Variants in MGST2 observed in about 807,000 individuals in gnomAD.
MGST2 encodes glutathione peroxidase MGST2.
MGST2 carries 9 observed loss-of-function variants against 16.6 expected under a neutral mutation model. The observed-to-expected ratio is 0.54, with a 90% CI of 0.33 to 0.95. MGST2 has a LOEUF of 0.95. Ranked by LOEUF, MGST2 falls within the 40% of genes least tolerant of loss-of-function variation. MGST2 has a pLI of 0.03. For synonymous variants in MGST2, 79 were observed against 68.0 expected (o/e 1.16, Z -0.79); for missense variants, 159 against 175.1 (o/e 0.91, Z 0.52).
downstream of MGST2, among the ~76,000 whole-genome samples, chr4:139,706,977 AAAGT>A (rs1301995963): frequency 1.3e-5 from 2 of 152,208 alleles, no homozygotes; most frequent in African/African-American, 4.8e-5. Context: ...ATTGCCTTAA[AAAGT>A]CAGTGTCAGG....
rs115394118 is a variant in MGST2 at position 139,720,300 on chromosome 4, C to T, written c.*48+16104C>T. On this transcript the variant is annotated intron_variant, in intron 5 of 5. Coordinates refer to the MGST2 transcript ENST00000616265. ...CTCTGGAGGGCTGCTTGGCTTCTTA[C>T]GGCTGCTATATCCTGGGGAGAACCT... The T allele has an allele frequency of 1.0e-3, 1,624 of 1,552,172 alleles. 9 individuals are homozygous for T. The African/African-American group carries it at 0.019, about 18-fold the overall frequency.
downstream of MGST2, among the ~76,000 whole-genome samples, chr4:139,707,997 T>G (rs1218201270): frequency 2.4e-3 from 363 of 152,258 alleles, no homozygotes; most frequent in African/African-American, 4.7e-3. Context: ...TTTCTCCCAT[T>G]CTGTAGGTTG....
intron 1 of MGST2, among the ~76,000 whole-genome samples, chr4:139,672,275 A>G (rs1251031501): frequency 1.3e-5 from 2 of 152,136 alleles, no homozygotes; most frequent in African/African-American, 2.4e-5. Context: ...CATACCTTTC[A>G]TTATTTCCAT....
At chr4:139,743,661 G>C (rs1158666559), downstream of MGST2, among the ~76,000 whole-genome samples, 1 of 152,110 alleles carries the variant, frequency 6.6e-6, no homozygotes, top group Non-Finnish European at 1.5e-5. Context: ...GATACCACAC[G>C]GGGAAAAGCC....
intron 2 of MGST2, among the ~76,000 whole-genome samples, chr4:139,680,340 T>G (rs1229483531): frequency 6.6e-6 from 1 of 152,228 alleles, no homozygotes; most frequent in Non-Finnish European, 1.5e-5. Flanking sequence ...AATTGCTCTT[T>G]ATTTCTTTGT....
At chr4:139,749,083 G>GA in the MGST2 span, among the ~76,000 whole-genome samples, 6 of 152,072 alleles carry the variant, frequency 3.9e-5, no homozygotes, top group Non-Finnish European at 8.8e-5. Flanking sequence ...AGCTCAAATG[G>GA]AAAAATATAT....
chr4:139,682,799 C>A (rs536625018), intron 2 of MGST2, among the ~76,000 whole-genome samples: 1 of 151,378 alleles, frequency 6.6e-6, no homozygotes, highest in Non-Finnish European at 1.5e-5. Flanking sequence ...TGTCACATGG[C>A]CAGGAAAGAT....
chr4:139,709,687 T>G (rs1242723201), intron 5 of MGST2, among the ~76,000 whole-genome samples: 1 of 152,240 alleles, frequency 6.6e-6, no homozygotes, highest in Non-Finnish European at 1.5e-5. Context: ...AATAAAGAGT[T>G]AAAGGATCTG....
intron 5 of MGST2, among the ~76,000 whole-genome samples, chr4:139,739,693 T>C (rs1220522403): frequency 1.4e-5 from 2 of 142,994 alleles, no homozygotes; most frequent in Non-Finnish European, 3.0e-5. Context: ...TTTTTTTTTT[T>C]TCTTTTATGT....
chr4:139,721,040 G>A (rs1728211639), intron 5 of MGST2, among the ~76,000 whole-genome samples: 1 of 152,206 alleles, frequency 6.6e-6, no homozygotes, highest in Non-Finnish European at 1.5e-5. Context: ...TTGCAAACTG[G>A]CCAGCTTCCT....
Position 139,701,812 on chromosome 4 carries a change from A to T in MGST2, c.230-1643A>T, listed in dbSNP as rs961876427. Among the ~76,000 whole-genome samples, 13 of 152,070 alleles carry T rather than the reference A, an allele frequency of 8.5e-5. No homozygotes were observed. In the East Asian group the frequency reaches 1.9e-3, roughly 23 times the overall value. ...GGCCTTTTCTCTGAAAAAAAAAATT[A>T]AAAAATTGGCCAGGCCTGGTGGCAT... On this transcript the variant is annotated intron_variant, in intron 3 of 4. Transcript: ENST00000265498.
the MGST2 span, among the ~76,000 whole-genome samples, chr4:139,750,733 C>T: frequency 6.6e-6 from 1 of 152,118 alleles, no homozygotes; most frequent in Non-Finnish European, 1.5e-5. Flanking sequence ...CTAAAAATGG[C>T]CTTCCTAAGG....
downstream of MGST2, among the ~76,000 whole-genome samples, chr4:139,745,160 C>T (rs1458537164): frequency 2.6e-5 from 4 of 152,108 alleles, no homozygotes; most frequent in Admixed American, 2.0e-4. Context: ...GAGCGGCCAC[C>T]TGCAAGGAGG....
intron 5 of MGST2, among the ~76,000 whole-genome samples, chr4:139,712,283 GT>G (rs1346454082): frequency 2.6e-5 from 4 of 152,196 alleles, no homozygotes; most frequent in Admixed American, 2.6e-4. Flanking sequence ...CTGAGCAGCA[GT>G]TAGAGATCAC....
At position 139,716,173 on chromosome 4, in the gene MGST2, T is replaced by G. The variant is rs535612992; in HGVS notation, c.*48+11977T>G. Among the ~76,000 whole-genome samples the G allele has an allele frequency of 7.0e-4, 104 of 148,924 alleles. 1 individual carries two copies. In the Middle Eastern group the frequency reaches 0.01, roughly 15 times the overall value. ...AGACAAGTCAACTGGGCTTTTATAC[T>G]CCTGCACCAGTGAGTCACTGGCTAA... On this transcript the variant is annotated intron_variant, in intron 5 of 5. Coordinates refer to the MGST2 transcript ENST00000616265.
At chr4:139,719,122 G>T (rs1033324797) in intron 5 of MGST2, 2 of 587,852 alleles carry the variant, frequency 3.4e-6, no homozygotes, top group Non-Finnish European at 5.7e-6. Context: ...GTCTCATCTC[G>T]ATTGCTGTGT....
chr4:139,703,011 C>T (rs1245271710), intron 3 of MGST2, among the ~76,000 whole-genome samples: 1 of 151,688 alleles, frequency 6.6e-6, no homozygotes, highest in Non-Finnish European at 1.5e-5. Flanking sequence ...CTGCAACCTC[C>T]ACCTCCTGGG....
At chr4:139,747,593 C>T in the MGST2 span, among the ~76,000 whole-genome samples, 4 of 151,986 alleles carry the variant, frequency 2.6e-5, no homozygotes, top group Non-Finnish European at 5.9e-5. Flanking sequence ...ACTTGGGAGG[C>T]TGAGGCAGGA....
At chr4:139,721,236 G>GCT (rs1302022164) in intron 5 of MGST2, among the ~76,000 whole-genome samples, 2 of 152,118 alleles carry the variant, frequency 1.3e-5, no homozygotes, top group African/African-American at 4.8e-5. Context: ...CCTTAATTAG[G>GCT]CATTTGAGTG....
Sources: gnomAD v4.1 joint callset for allele counts (sites outside exome capture counted in the v4.1 genomes callset) on GRCh38, gnomAD v4.1.1 for gene constraint, MANE v1.5 for transcripts, NCBI Gene and HGNC (gene_info 2026-07-23, HGNC 2026-07-21) for gene names.